The following SRP72 variants were observed in gnomAD, a reference collection of about 807,000 sequenced individuals.
The protein encoded by SRP72 is signal recognition particle subunit SRP72.
SRP72 carries 49 observed loss-of-function variants against 96.3 expected under a neutral mutation model. The ratio of observed to expected loss-of-function variants is 0.51; its 90% confidence interval spans 0.40 to 0.65. The LOEUF is 0.65. Ranked by LOEUF, SRP72 falls within the 30% of genes least tolerant of loss-of-function variation. The pLI, the probability that SRP72 is intolerant of heterozygous loss-of-function variation, is 0.00. For synonymous variants in SRP72, 267 were observed against 275.2 expected (o/e 0.97, Z 0.30); for missense variants, 736 against 793.3 (o/e 0.93, Z 0.87).
intron 1 of SRP72, among the ~76,000 whole-genome samples, 165 bp from the exon 2 acceptor site, chr4:56,469,488 G>A (rs1297555505): frequency 1.3e-5 from 2 of 152,070 alleles, no homozygotes; most frequent in Admixed American, 6.5e-5. Context: ...GTTGTTTTCT[G>A]GGTTTGTTTT....
chr4:56,468,512 C>T (rs1007078494), intron 1 of SRP72, among the ~76,000 whole-genome samples: 1 of 110,754 alleles, frequency 9.0e-6, no homozygotes, highest in Non-Finnish European at 2.0e-5. Context: ...CTCGGTGGTG[C>T]GCAGTTCTTC....
chr4:56,488,577 C>T (rs941037765), intron 12 of SRP72, among the ~76,000 whole-genome samples: 5 of 151,836 alleles, frequency 3.3e-5, no homozygotes, highest in South Asian at 2.1e-4. Flanking sequence ...TTTTAAGGAT[C>T]GTGCTATAAT....
At chr4:56,477,299 C>CTTTTT in intron 6 of SRP72, 1 of 97,276 alleles carries the variant, frequency 1.0e-5, no homozygotes, top group Non-Finnish European at 2.0e-5. Context: ...CTCTCTCTCT[C>CTTTTT]TCTTTTTTTT....
intron 8 of SRP72, 53 bp downstream of exon 8, chr4:56,478,702 C>A (rs767318589): frequency 1.9e-6 from 3 of 1,553,360 alleles, no homozygotes; most frequent in Non-Finnish European, 2.6e-6. Context: ...AAGCTCATCA[C>A]CCTAGTTTTA....
chr4:56,474,422 A>G (rs1313303704), intron 5 of SRP72, 31 bp downstream of exon 5: 2 of 1,570,140 alleles, frequency 1.3e-6, no homozygotes, highest in Admixed American at 1.8e-5. Context: ...ATCTGTAAAT[A>G]TAACGTGCAT....
At chr4:56,479,092 C>T (rs1024268974) in intron 8 of SRP72, among the ~76,000 whole-genome samples, 1 of 152,068 alleles carries the variant, frequency 6.6e-6, no homozygotes, top group Non-Finnish European at 1.5e-5. Context: ...CACACCCCAT[C>T]CCATGTAAAA....
In SRP72 at chr4:56,495,977, A is replaced by T. The variant is rs111543613; in HGVS notation, c.1678+583A>T. On this transcript the variant is annotated intron_variant, in intron 17 of 18. Coordinates refer to ENST00000642900, the MANE Select transcript of SRP72 (RefSeq NM_006947.4). ...ATACTTGTCATTTATATCCATCACAACAAAGAAGCCCTCTCCAGACTTGGC... is the reference window on the plus strand; with the variant it reads ...ATACTTGTCATTTATATCCATCACATCAAAGAAGCCCTCTCCAGACTTGGC... 1.8e-3 allele frequency among the ~76,000 whole-genome samples: 275 copies of T among 152,326 alleles called. 10 individuals are homozygous for T. The South Asian group carries it at 0.039, about 21-fold the overall frequency.
rs1347144263 is a variant in SRP72, at chr4:56,483,257, T to A, written c.944T>A (p.Met315Lys). The A allele has an allele frequency of 6.2e-7, 1 of 1,612,996 alleles. No homozygotes were observed. Among genetic ancestry groups the A allele is most frequent in the South Asian group, 1.1e-5 (1 of 90,940 alleles). Reference sequence around the variant, plus strand: ...GAATTTAACAAAGCTTTACTTGCTATGTACACAAACCAGGTGGGTAATTAC... The same window carrying A: ...GAATTTAACAAAGCTTTACTTGCTAAGTACACAAACCAGGTGGGTAATTAC... ...AIEFNKALLA[M>K]YTNQAEQCRK... Residue 315 changes from methionine (M) to lysine (K), a missense_variant, in exon 9 of 19, where the codon ATG (methionine) becomes AAG (lysine). By Grantham distance (95) the Met-to-Lys change is moderately conservative (BLOSUM62 -1). Coordinates refer to ENST00000642900, the MANE Select transcript of SRP72 (RefSeq NM_006947.4).
chr4:56,469,888 C>CTT (rs33985780), intron 2 of SRP72, 115 bp downstream of exon 2: 17 of 924,788 alleles, frequency 1.8e-5, no homozygotes, highest in African/African-American at 1.7e-4. Flanking sequence ...TTTTTCCTTC[C>CTT]TTTTTTTCCC....
At position 56,486,341 on chromosome 4, in the gene SRP72, A is replaced by G; in HGVS notation, c.1103A>G (p.His368Arg). 2.5e-6 allele frequency: 4 copies of G among 1,605,796 alleles called. No homozygotes were observed. Among genetic ancestry groups the G allele is most frequent in the Non-Finnish European group, 3.4e-6 (4 of 1,174,874 alleles). Reference protein sequence around the residue: ...IELLQEFSDQHPENAAEIKLT... With the variant: ...IELLQEFSDQRPENAAEIKLT... The stretch of plus-strand genomic sequence containing the variant: ...AAAATTTAGGAATTTTCAGATCAGC[A>G]TCCAGAAAATGCAGCTGAAATTAAG... The change falls in exon 11 of 19, where the codon CAT becomes CGT. Residue 368 changes from histidine to arginine, a missense_variant. This residue lies in a region of SRP72 where 388 missense variants were observed against 431.8 expected (regional missense o/e 0.90). Coordinates refer to ENST00000642900, the MANE Select transcript of SRP72 (RefSeq NM_006947.4).
At chr4:56,494,457 T>C (rs531066202) in intron 16 of SRP72, among the ~76,000 whole-genome samples, 1 of 149,960 alleles carries the variant, frequency 6.7e-6, no homozygotes, top group South Asian at 2.1e-4. Context: ...CAGGCTGGAG[T>C]GCAGTGGCGC....
chr4:56,467,780 C>A, intron 1 of SRP72, 36 bp downstream of exon 1: 1 of 1,440,314 alleles, frequency 6.9e-7, no homozygotes, highest in South Asian at 1.4e-5. Context: ...CGGGCCCAGG[C>A]CGGCTGGAGG....
chr4:56,482,496 A>G (rs1720541817), intron 8 of SRP72, among the ~76,000 whole-genome samples: 2 of 152,082 alleles, frequency 1.3e-5, no homozygotes, highest in South Asian at 4.2e-4. Flanking sequence ...GCTGTTGCAC[A>G]CTTAATAGAC....
intron 13 of SRP72, 99 bp downstream of exon 13, chr4:56,489,582 A>G (rs957231098): frequency 7.0e-6 from 4 of 573,632 alleles, no homozygotes; most frequent in East Asian, 3.0e-5. Flanking sequence ...ACACGTCACT[A>G]TTTTAAAAGT....
Position 56,478,454 on chromosome 4 carries a change from G to A in SRP72, c.718G>A (p.Gly240Ser). 1 of 1,613,700 alleles carries A rather than the reference G, an allele frequency of 6.2e-7. No homozygotes were observed. The highest frequency in any genetic ancestry group is 8.5e-7 in the Non-Finnish European group (1 of 1,179,960). ...GQMAYILQLQ[G>S]RTEEALQLYN... ...GATGGCTTATATTCTGCAGCTTCAG[G>A]GTCGAACAGAGGAGGCTTTGCAACT... Residue 240 changes from glycine (G) to serine (S), a missense_variant, in exon 7 of 19, where the codon GGT becomes AGT. Around this residue, in one of 3 missense-constraint regions of SRP72, gnomAD observed 329 missense variants for 319.0 expected, o/e 1.03. Transcript: ENST00000642900.
Position 56,478,453 on chromosome 4 carries a change from G to T in SRP72, c.717G>T (p.Gln239His), listed in dbSNP as rs1313527349. The change falls in exon 7 of 19, where the codon CAG becomes CAT. Residue 239 changes from glutamine (Q) to histidine (H), a missense_variant. Gln to His is a conservative substitution (Grantham distance 24). Transcript: ENST00000642900. ...AGATGGCTTATATTCTGCAGCTTCA[G>T]GGTCGAACAGAGGAGGCTTTGCAAC... ...HGQMAYILQL[Q>H]GRTEEALQLY... 7 of 1,613,758 alleles carry T rather than the reference G, an allele frequency of 4.3e-6. No homozygotes were observed. Among genetic ancestry groups the T allele is most frequent in the Non-Finnish European group, 5.9e-6 (7 of 1,180,014 alleles).
intron 2 of SRP72, among the ~76,000 whole-genome samples, chr4:56,470,005 T>G (rs1398383158): frequency 7.3e-5 from 11 of 151,156 alleles, no homozygotes; most frequent in African/African-American, 2.7e-4. Context: ...CTGTGTTTCC[T>G]TTGAACCGCT....
At chr4:56,500,942 AATAT>A (rs1344352830) in intron 18 of SRP72, among the ~76,000 whole-genome samples, 5 of 149,570 alleles carry the variant, frequency 3.3e-5, no homozygotes, top group African/African-American at 1.3e-4. Flanking sequence ...TATATTGTGA[AATAT>A]ATATAGTAAA....
At chr4:56,494,935 T>G (rs1020665436) in intron 16 of SRP72, among the ~76,000 whole-genome samples, 2 of 152,180 alleles carry the variant, frequency 1.3e-5, no homozygotes, top group Non-Finnish European at 2.9e-5. Context: ...TGAATCTCCT[T>G]CCAGAGATAT....
Sources: allele counts gnomAD v4.1 joint callset (sites outside exome capture counted in the v4.1 genomes callset), GRCh38; gene constraint gnomAD v4.1.1; regional missense constraint gnomAD v4.1.1; transcripts MANE v1.5; gene names NCBI Gene and HGNC (gene_info 2026-07-23, HGNC 2026-07-21).